TMEM178B: variants seen among roughly 807,000 people sequenced by gnomAD.
TMEM178B encodes transmembrane protein 178B.
In TMEM178B, 5 loss-of-function variants were observed where a neutral mutation model predicts 31.0. That is an observed-to-expected ratio of 0.16 (90% CI 0.08 to 0.34). The LOEUF (loss-of-function observed/expected upper bound fraction) is 0.34, where lower values mean the gene tolerates loss of function less well. Among genes scored for constraint, TMEM178B ranks in the 10% least tolerant of loss-of-function variants. TMEM178B has a pLI of 1.00. For synonymous variants in TMEM178B, 164 were observed against 164.0 expected (o/e 1.00, Z 0.00); for missense variants, 275 against 400.3 (o/e 0.69, Z 2.67).
chr7:141,457,744 A>C (rs1801991798), intron 3 of TMEM178B, among the ~76,000 whole-genome samples: 1 of 152,218 alleles, frequency 6.6e-6, no homozygotes, highest in Non-Finnish European at 1.5e-5. Context: ...TTACTGCAGG[A>C]TTCTTTGTAA....
At chr7:141,083,202 G>C (rs1203591385) in intron 1 of TMEM178B, among the ~76,000 whole-genome samples, 1 of 152,184 alleles carries the variant, frequency 6.6e-6, no homozygotes. Context: ...AATCCACAGA[G>C]AGAGGAGGAA....
chr7:141,260,921 A>G (rs1034613851), intron 2 of TMEM178B, among the ~76,000 whole-genome samples: 2 of 152,220 alleles, frequency 1.3e-5, no homozygotes, highest in South Asian at 2.1e-4. Context: ...CAGAAATATT[A>G]TAGAGATTAG....
intron 2 of TMEM178B, among the ~76,000 whole-genome samples, chr7:141,267,447 G>A (rs1798112025): frequency 1.3e-5 from 2 of 152,196 alleles, no homozygotes; most frequent in Non-Finnish European, 2.9e-5. Context: ...AGAAGATATT[G>A]GAGGGTGACC....
chr7:141,347,933 A>T (rs1799648339), intron 2 of TMEM178B, among the ~76,000 whole-genome samples: 1 of 152,204 alleles, frequency 6.6e-6, no homozygotes, highest in African/African-American at 2.4e-5. Flanking sequence ...AGATGATTTC[A>T]CCAATAGCCT....
At chr7:141,399,899 A>G (rs182324718) in intron 2 of TMEM178B, among the ~76,000 whole-genome samples, 73 of 152,114 alleles carry the variant, frequency 4.8e-4, no homozygotes, top group African/African-American at 1.4e-3. Context: ...CTTCCTTCCT[A>G]TATTTGAAAA....
chr7:141,250,345 T>C (rs1016908163), intron 2 of TMEM178B, among the ~76,000 whole-genome samples: 1 of 152,182 alleles, frequency 6.6e-6, no homozygotes, highest in African/African-American at 2.4e-5. Flanking sequence ...AAAATTGAAG[T>C]GCAGAGAGCT....
chr7:141,404,237 G>C (rs546164178), intron 2 of TMEM178B, among the ~76,000 whole-genome samples: 52 of 152,200 alleles, frequency 3.4e-4, no homozygotes, highest in Non-Finnish European at 6.0e-4. Context: ...CCCAGGAAGC[G>C]GAGCTTGCAA....
rs955612108 is a variant in TMEM178B at position 141,420,201 on chromosome 7, C to A, written c.497-17407C>A. Among the ~76,000 whole-genome samples, 7 of 151,480 alleles carry A rather than the reference C, an allele frequency of 4.6e-5. No individual in the cohort carries two copies. The South Asian group carries it at 1.3e-3, about 27-fold the overall frequency. On this transcript the variant is annotated intron_variant, in intron 2 of 3. Transcript: ENST00000565468. ...CATAGCATTTATCACTGCCCCCCCC[C>A]ACTACATACACATATATATGAATAT...
chr7:141,109,006 C>T (rs1345944749), intron 1 of TMEM178B, among the ~76,000 whole-genome samples: 1 of 152,132 alleles, frequency 6.6e-6, no homozygotes, highest in Non-Finnish European at 1.5e-5. Context: ...AAACGGATTT[C>T]CCCTTATCAA....
intron 1 of TMEM178B, among the ~76,000 whole-genome samples, chr7:141,155,778 T>A (rs918853049): frequency 6.6e-6 from 1 of 152,094 alleles, no homozygotes; most frequent in African/African-American, 2.4e-5. Flanking sequence ...TCTTAACAAA[T>A]AAGGGGTCGG....
At chr7:141,262,175 A>G (rs1798023662) in intron 2 of TMEM178B, among the ~76,000 whole-genome samples, 1 of 152,138 alleles carries the variant, frequency 6.6e-6, no homozygotes, top group Non-Finnish European at 1.5e-5. Flanking sequence ...TCTTTTATAA[A>G]GTGGCTTCAC....
chr7:141,291,285 CTTT>C (rs1798541615), intron 2 of TMEM178B, among the ~76,000 whole-genome samples: 2 of 152,052 alleles, frequency 1.3e-5, no homozygotes, highest in African/African-American at 4.8e-5. Flanking sequence ...TGTGGGAAAT[CTTT>C]TTATGATCTC....
At chr7:141,190,775 C>T (rs960906413) in intron 1 of TMEM178B, among the ~76,000 whole-genome samples, 1 of 152,226 alleles carries the variant, frequency 6.6e-6, no homozygotes, top group Admixed American at 6.5e-5. Flanking sequence ...AGCAGTGTTT[C>T]TTTCCCTCTC....
chr7:141,454,366 G>A (rs1292435354), intron 3 of TMEM178B, among the ~76,000 whole-genome samples: 1 of 152,076 alleles, frequency 6.6e-6, no homozygotes, highest in Non-Finnish European at 1.5e-5. Context: ...AGAAGTGACT[G>A]CCTTCTCTGA....
In TMEM178B at chr7:141,317,200, C is replaced by T. The variant is rs570112526; in HGVS notation, c.496+104496C>T. On this transcript the variant is annotated intron_variant, in intron 2 of 3. Transcript: ENST00000565468. ...GCAGCCATGGTCAAGGCAGGAAGTG[C>T]CATTGTATTCAAAAGCAGCATCTAG... Among the ~76,000 whole-genome samples the T allele has an allele frequency of 3.9e-5, 6 of 152,168 alleles. No individual in the cohort carries two copies. In the East Asian group the frequency reaches 1.2e-3, roughly 29 times the overall value.
At chr7:141,256,697 G>A (rs1418356919) in intron 2 of TMEM178B, among the ~76,000 whole-genome samples, 2 of 152,142 alleles carry the variant, frequency 1.3e-5, no homozygotes, top group East Asian at 3.9e-4. Context: ...TAAGGGAGAA[G>A]GATGGAAGGA....
chr7:141,244,659 A>T (rs1797696200), intron 2 of TMEM178B, among the ~76,000 whole-genome samples: 1 of 152,180 alleles, frequency 6.6e-6, no homozygotes, highest in African/African-American at 2.4e-5. Flanking sequence ...CCGGCTGGAG[A>T]TGCTTGTGGG....
chr7:141,137,501 A>G (rs2129178593), intron 1 of TMEM178B, among the ~76,000 whole-genome samples: 1 of 152,350 alleles, frequency 6.6e-6, no homozygotes, highest in South Asian at 2.1e-4. Flanking sequence ...TATGAGAGCT[A>G]AAAAAGTTGA....
Position 141,426,635 on chromosome 7 carries a change from T to C in TMEM178B, c.497-10973T>C, listed in dbSNP as rs535098904. 2.0e-5 allele frequency among the ~76,000 whole-genome samples: 3 copies of C among 152,154 alleles called. No homozygotes were observed. The South Asian group carries it at 6.2e-4, about 32-fold the overall frequency. The stretch of plus-strand genomic sequence containing the variant: ...AAAGCATGGGGGGCTTAGAGAAAGA[T>C]GGTGATGCAGGGAGAGGCAGAGGAC... On this transcript the variant is annotated intron_variant, in intron 2 of 3. Transcript: ENST00000565468.
Sources: gnomAD v4.1 joint callset for allele counts (sites outside exome capture counted in the v4.1 genomes callset) on GRCh38, gnomAD v4.1.1 for gene constraint, MANE v1.5 for transcripts, NCBI Gene and HGNC (gene_info 2026-07-23, HGNC 2026-07-21) for gene names.